Variants in IMMP2L observed in about 807,000 individuals in gnomAD.
The protein encoded by IMMP2L is mitochondrial inner membrane protease subunit 2.
Under a neutral mutation model 19.3 loss-of-function variants are expected in IMMP2L, and 18 were observed. The observed-to-expected ratio is 0.93, with a 90% CI of 0.64 to 1.38. The LOEUF is 1.38. IMMP2L is among the 40% of genes most tolerant of loss of function. IMMP2L has a pLI of 0.00. For synonymous variants in IMMP2L, 76 were observed against 73.0 expected (o/e 1.04, Z -0.21); for missense variants, 233 against 218.2 (o/e 1.07, Z -0.43).
intron 5 of IMMP2L, among the ~76,000 whole-genome samples, chr7:110,799,130 C>T (rs1801070089): frequency 6.6e-6 from 1 of 151,982 alleles, no homozygotes; most frequent in Non-Finnish European, 1.5e-5. Flanking sequence ...AGTTATCTCC[C>T]TTTGATACTA....
chr7:110,926,706 T>C (rs1814897074), intron 4 of IMMP2L, among the ~76,000 whole-genome samples: 1 of 152,322 alleles, frequency 6.6e-6, no homozygotes, highest in South Asian at 2.1e-4. Flanking sequence ...AATGATTTTT[T>C]TCCTGAAACA....
chr7:110,912,303 G>A (rs1437589673), intron 4 of IMMP2L, among the ~76,000 whole-genome samples: 1 of 152,074 alleles, frequency 6.6e-6, no homozygotes, highest in Non-Finnish European at 1.5e-5. Context: ...ATGTGTATGA[G>A]AATGATCCTT....
chr7:110,695,852 T>A (rs1038142367), intron 5 of IMMP2L, among the ~76,000 whole-genome samples: 3 of 151,850 alleles, frequency 2.0e-5, no homozygotes, highest in Admixed American at 2.0e-4. Context: ...AGACAAAAGA[T>A]GAATGACAGA....
At chr7:110,755,857 G>C (rs962372167) in intron 5 of IMMP2L, among the ~76,000 whole-genome samples, 2 of 152,080 alleles carry the variant, frequency 1.3e-5, no homozygotes, top group African/African-American at 2.4e-5. Context: ...ATAAGCACTA[G>C]TACTGTAGTT....
At chr7:110,882,987 T>G (rs891520910) in intron 5 of IMMP2L, among the ~76,000 whole-genome samples, 1 of 152,110 alleles carries the variant, frequency 6.6e-6, no homozygotes, top group Non-Finnish European at 1.5e-5. Flanking sequence ...TGCTCAAAAA[T>G]GTGTCTTGAA....
chr7:111,431,002 G>A (rs1836572065), intron 3 of IMMP2L, among the ~76,000 whole-genome samples: 1 of 151,736 alleles, frequency 6.6e-6, no homozygotes, highest in Non-Finnish European at 1.5e-5. Flanking sequence ...AGCTACTCGG[G>A]AGGCTGAGGC....
At chr7:111,032,055 C>G (rs764749816) in intron 3 of IMMP2L, among the ~76,000 whole-genome samples, 38 of 151,628 alleles carry the variant, frequency 2.5e-4, no homozygotes, top group Middle Eastern at 3.2e-3. Flanking sequence ...CATCCCACCT[C>G]AGCCACCCAA....
chr7:111,523,893 G>T (rs1016925465), intron 1 of IMMP2L, among the ~76,000 whole-genome samples: 2 of 151,994 alleles, frequency 1.3e-5, no homozygotes, highest in African/African-American at 4.8e-5. Context: ...GCTTTAATGT[G>T]AGCCCTTGAG....
At chr7:110,929,796 G>C (rs527416047) in intron 4 of IMMP2L, among the ~76,000 whole-genome samples, 128 of 152,298 alleles carry the variant, frequency 8.4e-4, no homozygotes, top group African/African-American at 3.1e-3. Flanking sequence ...AATCAGGAAT[G>C]AGTCACTTAC....
intron 3 of IMMP2L, among the ~76,000 whole-genome samples, chr7:111,015,775 T>C (rs1196406825): frequency 1.3e-5 from 2 of 152,102 alleles, no homozygotes; most frequent in Non-Finnish European, 2.9e-5. Context: ...CCCAGAACTC[T>C]GTGAATATAT....
intron 5 of IMMP2L, among the ~76,000 whole-genome samples, chr7:110,704,751 C>T (rs903359036): frequency 1.3e-5 from 2 of 152,178 alleles, no homozygotes; most frequent in Non-Finnish European, 2.9e-5. Context: ...GAAAAGTAAA[C>T]TCAGAAGTCT....
intron 5 of IMMP2L, among the ~76,000 whole-genome samples, chr7:110,681,973 A>G (rs929654081): frequency 1.3e-5 from 2 of 152,182 alleles, no homozygotes; most frequent in Non-Finnish European, 2.9e-5. Context: ...GACAAAAGAT[A>G]TAATCATGCA....
chr7:110,950,606 T>G (rs1817690602), intron 4 of IMMP2L, among the ~76,000 whole-genome samples: 1 of 151,590 alleles, frequency 6.6e-6, no homozygotes, highest in South Asian at 2.1e-4. Context: ...AATGAGAATA[T>G]CAAAGAAATA....
rs540079362 is a variant in IMMP2L at position 111,411,590 on chromosome 7, G to A, written c.239+75648C>T. On this transcript the variant is annotated intron_variant, in intron 3 of 5. Transcript: ENST00000405709. Reference sequence around the variant, plus strand: ...CCTTCAACAGGCTGATTTAGACATCGAGGACTTCACTATGGATCGGGAAGT... The same window carrying A: ...CCTTCAACAGGCTGATTTAGACATCAAGGACTTCACTATGGATCGGGAAGT... 62 of 311,954 alleles carry A rather than the reference G, an allele frequency of 2.0e-4. 1 individual carries two copies. Among genetic ancestry groups the A allele is most frequent in the South Asian group, 2.0e-3 (60 of 30,376 alleles). The allele number at this position is 311,954 out of a possible 1,614,324, so 19.3% of individuals were successfully genotyped here.
chr7:110,888,923 T>C (rs951577782), intron 4 of IMMP2L, among the ~76,000 whole-genome samples: 1 of 152,120 alleles, frequency 6.6e-6, no homozygotes, highest in Non-Finnish European at 1.5e-5. Context: ...ATTTGTTAAA[T>C]GAATGACCAA....
intron 3 of IMMP2L, among the ~76,000 whole-genome samples, chr7:111,120,037 C>G (rs1054361745): frequency 6.6e-6 from 1 of 152,118 alleles, no homozygotes; most frequent in African/African-American, 2.4e-5. Context: ...GCAACCATAG[C>G]TCTACCAATA....
At chr7:111,284,047 T>C (rs183342818) in intron 3 of IMMP2L, among the ~76,000 whole-genome samples, 1 of 151,850 alleles carries the variant, frequency 6.6e-6, no homozygotes, top group East Asian at 1.9e-4. Context: ...AGTACTCATG[T>C]ATATTACCAT....
At chr7:110,744,577 C>T (rs1362024999) in intron 5 of IMMP2L, among the ~76,000 whole-genome samples, 4 of 152,228 alleles carry the variant, frequency 2.6e-5, no homozygotes, top group Admixed American at 1.3e-4. Context: ...TGCTGCTCTG[C>T]AGCCTCCGCT....
At position 111,219,624 on chromosome 7, in the gene IMMP2L, A is replaced by G. The variant is rs148547310; in HGVS notation, c.240-256059T>C. Among the ~76,000 whole-genome samples, 842 of 152,140 alleles carry G rather than the reference A, an allele frequency of 5.5e-3. 11 individuals carry two copies. Among genetic ancestry groups the G allele is most frequent in the African/African-American group, 0.019 (779 of 41,562 alleles). On this transcript the variant is annotated intron_variant, in intron 3 of 5. Transcript: ENST00000405709. ...CTTAGGATGCATTATCTTATGAAAT[A>G]ATGAAATCACATCTAATTTAATATG... is the stretch of plus-strand genomic sequence containing the variant.
Sources: allele counts gnomAD v4.1 joint callset (sites outside exome capture counted in the v4.1 genomes callset), GRCh38; gene constraint gnomAD v4.1.1; transcripts MANE v1.5; gene names NCBI Gene and HGNC (gene_info 2026-07-23, HGNC 2026-07-21).